Variants in ELL observed in about 807,000 individuals in gnomAD.
The protein encoded by ELL is elongation factor for RNA polymerase II.
Under a neutral mutation model 64.0 loss-of-function variants are expected in ELL, and 18 were observed. The ratio of observed to expected loss-of-function variants is 0.28; its 90% CI spans 0.19 to 0.42. The LOEUF is 0.42. Ranked by LOEUF, ELL falls within the 10% of genes least tolerant of loss-of-function variation. The pLI is 1.00. For synonymous variants in ELL, 399 were observed against 376.2 expected (o/e 1.06, Z -0.70); for missense variants, 797 against 870.4 (o/e 0.92, Z 1.06).
chr19:18,457,151 A>C (rs969168432), intron 6 of ELL, among the ~76,000 whole-genome samples: 3 of 152,220 alleles, frequency 2.0e-5, no homozygotes, highest in Non-Finnish European at 2.9e-5. Context: ...CTCACTCAGC[A>C]GACGGAACAT....
At chr19:18,484,605 A>C (rs1975372762) in intron 1 of ELL, among the ~76,000 whole-genome samples, 1 of 152,184 alleles carries the variant, frequency 6.6e-6, no homozygotes, top group South Asian at 2.1e-4. Flanking sequence ...CCACCACTGC[A>C]CTCCGGCAGG....
intron 10 of ELL, 91 bp downstream of exon 10, chr19:18,446,218 G>A: frequency 7.1e-7 from 1 of 1,413,556 alleles, no homozygotes; most frequent in Non-Finnish European, 9.3e-7. Context: ...AGACTCTGGG[G>A]CCACCAAGCT....
intron 2 of ELL, among the ~76,000 whole-genome samples, chr19:18,466,598 G>GGGGC (rs1286066143): frequency 1.3e-5 from 2 of 152,232 alleles, no homozygotes; most frequent in Non-Finnish European, 2.9e-5. Flanking sequence ...CGGACAGCCA[G>GGGGC]GGGCAGGCAG....
At chr19:18,494,871 T>C (rs1975615090) in intron 1 of ELL, among the ~76,000 whole-genome samples, 1 of 152,136 alleles carries the variant, frequency 6.6e-6, no homozygotes, top group Non-Finnish European at 1.5e-5. Flanking sequence ...TTCCTCCACT[T>C]CCCTAGCCGG....
chr19:18,508,205 G>A (rs894795653), intron 1 of ELL, among the ~76,000 whole-genome samples: 5 of 152,168 alleles, frequency 3.3e-5, no homozygotes, highest in Non-Finnish European at 7.3e-5. Context: ...CACTTTGGGA[G>A]GCCAAGGCGG....
At position 18,465,593 on chromosome 19, in the gene ELL, G is replaced by A. The variant is rs773835194; in HGVS notation, c.306-18C>T. ...CCCCATGACTGCAAGACAAGGCCAG[G>A]AGCTGGGGTCAGCAGCTGGGACAAT... On this transcript the variant is annotated intron_variant, in intron 3 of 11. Coordinates refer to ENST00000262809, the MANE Select transcript of ELL (RefSeq NM_006532.4). 1.3e-6 allele frequency: 2 copies of A among 1,570,786 alleles called. No individual in the cohort carries two copies. The highest frequency in any genetic ancestry group is 1.7e-5 in the Admixed American group (1 of 57,464).
chr19:18,460,243 C>G (rs1436028197), intron 5 of ELL, among the ~76,000 whole-genome samples: 4 of 152,338 alleles, frequency 2.6e-5, no homozygotes, highest in Middle Eastern at 3.4e-3. Context: ...GCACATCCCC[C>G]TCCTCTTCTA....
chr19:18,521,415 T>C (rs7252185), intron 1 of ELL, among the ~76,000 whole-genome samples: 48,416 of 150,638 alleles, frequency 0.32, 9,682 homozygotes, highest in African/African-American at 0.57. Flanking sequence ...CACAAGTGCC[T>C]CGCTGACCAC....
chr19:18,468,840 G>A (rs938134212), intron 2 of ELL, among the ~76,000 whole-genome samples: 1 of 152,228 alleles, frequency 6.6e-6, no homozygotes, highest in African/African-American at 2.4e-5. Context: ...CCACTCAGCA[G>A]AGAGCTGGCA....
chr19:18,492,356 T>C (rs557021957), intron 1 of ELL, among the ~76,000 whole-genome samples: 1 of 152,332 alleles, frequency 6.6e-6, no homozygotes, highest in East Asian at 1.9e-4. Flanking sequence ...GGGGTGTCCT[T>C]GAATTTGAGT....
chr19:18,513,651 G>A (rs1346485802), intron 1 of ELL, among the ~76,000 whole-genome samples: 1 of 152,290 alleles, frequency 6.6e-6, no homozygotes, highest in African/African-American at 2.4e-5. Flanking sequence ...AGGAGTTCAG[G>A]CTGGGCCCAG....
At chr19:18,514,884 T>C (rs2144980599) in intron 1 of ELL, among the ~76,000 whole-genome samples, 1 of 152,352 alleles carries the variant, frequency 6.6e-6, no homozygotes, top group Admixed American at 6.5e-5. Context: ...CTAGGGTCTC[T>C]TCCCTGGGCA....
chr19:18,444,195 C>T lies in ELL; in HGVS notation c.*557G>A, dbSNP rs80253247. On this transcript the variant is annotated 3_prime_UTR_variant, in exon 12 of 12. Transcript: ENST00000262809. ...GAGGCTGGGGAAAGGGGTGCCTAAA[C>T]GTAGAGCCAGAGACCAGCAGAGGCC... is the stretch of plus-strand genomic sequence containing the variant. The T allele has an allele frequency of 0.029, 6,609 of 231,454 alleles. 178 individuals are homozygous for T. Among genetic ancestry groups the T allele is most frequent in the African/African-American group, 0.083 (3,738 of 45,270 alleles). 14.3% of individuals were successfully genotyped at this position (231,454 alleles called of 1,614,324 possible). A position where few individuals can be genotyped will look rare whatever the true frequency, so the allele number is the denominator to read the frequency against.
intron 1 of ELL, among the ~76,000 whole-genome samples, chr19:18,507,402 C>T (rs1975904704): frequency 6.6e-6 from 1 of 152,264 alleles, no homozygotes; most frequent in South Asian, 2.1e-4. Context: ...AGGAAGTCCT[C>T]CTCTGAGTCT....
chr19:18,478,718 C>T (rs1015431692), intron 1 of ELL, among the ~76,000 whole-genome samples: 3 of 152,230 alleles, frequency 2.0e-5, no homozygotes, highest in African/African-American at 4.8e-5. Flanking sequence ...GAGGCTGGTG[C>T]TCCCCAGACC....
intron 1 of ELL, among the ~76,000 whole-genome samples, chr19:18,505,377 A>G (rs1441106332): frequency 2.6e-5 from 4 of 152,180 alleles, no homozygotes; most frequent in Non-Finnish European, 5.9e-5. Flanking sequence ...CCCACGGGCA[A>G]GGGCACCCGG....
chr19:18,485,717 G>A (rs538666930), intron 1 of ELL, among the ~76,000 whole-genome samples: 1 of 152,324 alleles, frequency 6.6e-6, no homozygotes, highest in East Asian at 1.9e-4. Flanking sequence ...GCCGGGCGCG[G>A]TGGCTCACAC....
intron 1 of ELL, chr19:18,473,205 C>G (rs1186177934): frequency 3.2e-6 from 2 of 616,396 alleles, no homozygotes; most frequent in East Asian, 6.7e-5. Flanking sequence ...AAAGCCACCA[C>G]CAGCCTGTGA....
chr19:18,461,857 AAC>A lies in ELL; in HGVS notation c.470-7_470-6del. On this transcript the variant is annotated splice_region_variant and splice_polypyrimidine_tract_variant and intron_variant, in intron 4 of 11. Coordinates refer to ENST00000262809, the MANE Select transcript of ELL (RefSeq NM_006532.4). Reference sequence around the variant, plus strand: ...TCCGAAACTGAACCTTCTTGCCTGCAACAAGAATCCAAGCTTTAGGGAACAGA... The same window carrying A: ...TCCGAAACTGAACCTTCTTGCCTGCAAAGAATCCAAGCTTTAGGGAACAGA... 1 of 1,609,716 alleles carries A rather than the reference AAC, an allele frequency of 6.2e-7. No individual in the cohort carries two copies. Among genetic ancestry groups the A allele is most frequent in the Non-Finnish European group, 8.5e-7 (1 of 1,176,916 alleles).
Sources: gnomAD v4.1 joint callset for allele counts (sites outside exome capture counted in the v4.1 genomes callset) on GRCh38, gnomAD v4.1.1 for gene constraint, MANE v1.5 for transcripts, NCBI Gene and HGNC (gene_info 2026-07-23, HGNC 2026-07-21) for gene names.